Variants in TNFAIP8L3 observed in about 807,000 individuals in gnomAD.
The protein encoded by TNFAIP8L3 is tumor necrosis factor alpha-induced protein 8-like protein 3.
Under a neutral mutation model 11.8 loss-of-function variants are expected in TNFAIP8L3, and 7 were observed. The observed-to-expected ratio is 0.59, with a 90% confidence interval of 0.34 to 1.11. The LOEUF is 1.11. TNFAIP8L3 is among the 50% of genes most tolerant of loss of function. The pLI is 0.03. For missense variants in TNFAIP8L3, 219 were observed against 258.6 expected (o/e 0.85, Z 1.05); for synonymous variants, 98 against 103.8 (o/e 0.94, Z 0.34).
At chr15:51,102,848 A>G (rs1208471112) in intron 1 of TNFAIP8L3, among the ~76,000 whole-genome samples, 3 of 151,980 alleles carry the variant, frequency 2.0e-5, no homozygotes, top group African/African-American at 4.8e-5. Context: ...CTCTCTCCCC[A>G]TTACTGATCT....
chr15:51,089,904 C>A (rs2065455632), intron 1 of TNFAIP8L3, among the ~76,000 whole-genome samples: 1 of 152,216 alleles, frequency 6.6e-6, no homozygotes, highest in Non-Finnish European at 1.5e-5. Context: ...AATGGCACAT[C>A]ATTCCCAGGC....
chr15:51,064,950 G>C (rs1395505794), intron 1 of TNFAIP8L3: 1 of 152,178 alleles, frequency 6.6e-6, no homozygotes, highest in African/African-American at 2.4e-5. Flanking sequence ...GATAGGTCTT[G>C]GTAAAAACTT....
rs1012022581 is a variant in TNFAIP8L3, at chr15:51,086,901, T to G, written c.52+7643A>C. Among the ~76,000 whole-genome samples the G allele has an allele frequency of 4.1e-4, 62 of 152,236 alleles. 1 individual carries two copies. Among genetic ancestry groups the G allele is most frequent in the African/African-American group, 1.4e-3 (60 of 41,556 alleles). On this transcript the variant is annotated intron_variant, in intron 1 of 1. Transcript: ENST00000637513. The stretch of plus-strand genomic sequence containing the variant: ...CTTGTTTTGCTACAACTTCTTTTTT[T>G]TTTTTTGGAGTCAGAGTCTCTCTTT...
chr15:51,075,249 C>G (rs7179759), intron 1 of TNFAIP8L3, among the ~76,000 whole-genome samples: 2,428 of 152,164 alleles, frequency 0.016, 70 homozygotes, highest in African/African-American at 0.057. Flanking sequence ...GCCTTTCATA[C>G]GGAGCTATCT....
intron 1 of TNFAIP8L3, among the ~76,000 whole-genome samples, chr15:51,103,742 T>C (rs2065569911): frequency 6.6e-6 from 1 of 152,210 alleles, no homozygotes; most frequent in Non-Finnish European, 1.5e-5. Context: ...AGTCACATAG[T>C]TGTCGAAAAC....
At chr15:51,070,045 G>A (rs1234967569) in intron 1 of TNFAIP8L3, among the ~76,000 whole-genome samples, 1 of 152,202 alleles carries the variant, frequency 6.6e-6, no homozygotes, top group Non-Finnish European at 1.5e-5. Context: ...CTTGAAGATA[G>A]ATGTAGCTTT....
At chr15:51,079,400 C>T (rs1485650621) in intron 1 of TNFAIP8L3, among the ~76,000 whole-genome samples, 1 of 152,236 alleles carries the variant, frequency 6.6e-6, no homozygotes, top group African/African-American at 2.4e-5. Context: ...CTGTGAACTC[C>T]TTGAGGGCAG....
rs201675441 is a variant in TNFAIP8L3 at position 51,058,178 on chromosome 15, C to G, written c.318G>C (p.Glu106Asp). ...QFSQEELVIV[E>D]KFRKKLNQTA... is the part of the protein sequence containing the mutation. ...TCTGGTTCAGCTTCTTCCGGAACTT[C>G]TCCACAATAACCAGCTCCTCTTGGC... Residue 106 changes from glutamate to aspartate, a missense_variant, in exon 2 of 2, where the codon GAG becomes GAC. Glu to Asp is a conservative substitution (Grantham distance 45). Transcript: ENST00000637513. 4.3e-6 allele frequency: 7 copies of G among 1,614,232 alleles called. No individual in the cohort carries two copies. In the East Asian group the frequency reaches 1.6e-4, roughly 36 times the overall value.
At chr15:51,092,665 G>A (rs1296146596) in intron 1 of TNFAIP8L3, among the ~76,000 whole-genome samples, 2 of 152,186 alleles carry the variant, frequency 1.3e-5, no homozygotes. Flanking sequence ...GGGCCCATCT[G>A]ACCTTAGTGA....
At chr15:51,058,469 A>C in intron 1 of TNFAIP8L3, 26 bp from the exon 2 acceptor site, 2 of 1,459,026 alleles carry the variant, frequency 1.4e-6, no homozygotes, top group South Asian at 2.8e-5. Flanking sequence ...TATATATAAA[A>C]GTTTTAGAAA....
intron 1 of TNFAIP8L3, among the ~76,000 whole-genome samples, chr15:51,089,331 C>T (rs2140979872): frequency 6.6e-6 from 1 of 152,304 alleles, no homozygotes. Flanking sequence ...GAAAAAGACC[C>T]AGTCCTTGTC....
At chr15:51,089,892 C>A (rs2065455504) in intron 1 of TNFAIP8L3, among the ~76,000 whole-genome samples, 1 of 152,230 alleles carries the variant, frequency 6.6e-6, no homozygotes, top group Admixed American at 6.5e-5. Flanking sequence ...GACTAATAAC[C>A]AAATGGCACA....
chr15:51,082,600 T>C (rs985569710), intron 1 of TNFAIP8L3, among the ~76,000 whole-genome samples: 2 of 152,260 alleles, frequency 1.3e-5, no homozygotes, highest in African/African-American at 4.8e-5. Context: ...TTTTTTACTT[T>C]ATAAACTTTA....
chr15:51,092,227 T>C (rs11854175), intron 1 of TNFAIP8L3, among the ~76,000 whole-genome samples: 1 of 152,060 alleles, frequency 6.6e-6, no homozygotes, highest in African/African-American at 2.4e-5. Flanking sequence ...CACACACATA[T>C]AAGTACTCCA....
exon 1 of TNFAIP8L3, chr15:51,105,096 G>A (rs1284225943): frequency 6.2e-6 from 10 of 1,614,058 alleles, no homozygotes; most frequent in South Asian, 1.1e-5. Context: ...CTGCATATCC[G>A]TTGACCCACA....
Position 51,094,444 on chromosome 15 carries a change from G to T in TNFAIP8L3, c.52+100C>A. ...GCAATCCCCAGTCTTGGCCTGGAAG[G>T]GGTCGGGCTGCTGAGGATCGGCTTC... On this transcript the variant is annotated intron_variant, in intron 1 of 1. Transcript: ENST00000637513. This position sits in a 1 kb window ranked among gnomAD's most constrained non-coding sequence, Gnocchi z 4.4. 1 of 1,274,700 alleles carries T rather than the reference G, an allele frequency of 7.8e-7. No individual in the cohort carries two copies. 79.0% of individuals were successfully genotyped at this position (1,274,700 alleles called of 1,614,324 possible).
intron 1 of TNFAIP8L3, among the ~76,000 whole-genome samples, chr15:51,091,748 C>T (rs1376831409): frequency 6.6e-6 from 1 of 150,826 alleles, no homozygotes; most frequent in Admixed American, 6.6e-5. Flanking sequence ...GAACAAGAGA[C>T]TGAAAAGGAG....
chr15:51,059,937 A>C (rs575539697), intron 1 of TNFAIP8L3, among the ~76,000 whole-genome samples: 4 of 152,350 alleles, frequency 2.6e-5, no homozygotes, highest in African/African-American at 7.2e-5. Flanking sequence ...GGCCTTCCAC[A>C]GTCCCAGCAA....
upstream of TNFAIP8L3, among the ~76,000 whole-genome samples, chr15:51,099,033 G>A (rs1027526715): frequency 3.3e-5 from 5 of 152,190 alleles, no homozygotes; most frequent in Non-Finnish European, 7.4e-5. Context: ...TTGGGAGAGA[G>A]AAACAAGAAA....
Sources: allele counts gnomAD v4.1 joint callset (sites outside exome capture counted in the v4.1 genomes callset), GRCh38; gene constraint gnomAD v4.1.1; non-coding constraint Gnocchi (gnomAD v3.1); transcripts MANE v1.5; gene names NCBI Gene and HGNC (gene_info 2026-07-23, HGNC 2026-07-21).